CHSY1: variants seen among roughly 807,000 people sequenced by gnomAD.
The protein encoded by CHSY1 is N-acetylgalactosaminyl-proteoglycan 3-beta-glucuronosyltransferase 1.
A neutral mutation model predicts 59.8 loss-of-function variants in CHSY1; 13 were observed. The observed-to-expected ratio is 0.22, with a 90% CI of 0.14 to 0.35. CHSY1 has a LOEUF of 0.35. CHSY1 is among the 10% of genes least tolerant of loss of function. The pLI is 1.00. For missense variants in CHSY1, 947 were observed against 1,030.6 expected, an observed-to-expected ratio of 0.92 and a Z score of 1.11; for synonymous variants, 459 against 401.2, an observed-to-expected ratio of 1.14 and a Z score of -1.72.
chr15:101,178,903 G>A lies in CHSY1; in HGVS notation c.894C>T (p.His298=). The change falls in exon 3 of 3, where the codon CAC becomes CAT. Residue 298 remains histidine, a synonymous_variant. Transcript: ENST00000254190. ...YIRDLHNSKI[H]QAITLHPNKN... ...TGTTGGGGTGTAATGTGATAGCTTG[G>A]TGAATTTTACTGTTATGGAGATCTC... 1 of 1,614,084 alleles carries A rather than the reference G, an allele frequency of 6.2e-7. No homozygotes were observed. Among genetic ancestry groups the A allele is most frequent in the Non-Finnish European group, 8.5e-7 (1 of 1,179,966 alleles).
At chr15:101,247,734 G>A (rs1483242138) in intron 1 of CHSY1, among the ~76,000 whole-genome samples, 2 of 152,102 alleles carry the variant, frequency 1.3e-5, no homozygotes, top group Non-Finnish European at 2.9e-5. Context: ...AGCTGTCACT[G>A]CCCTGCTATA....
rs1175923161 is a variant in CHSY1, at chr15:101,177,238, G to A, written c.*150C>T. 4 of 686,110 alleles carry A rather than the reference G, an allele frequency of 5.8e-6. No individual in the cohort carries two copies. Among genetic ancestry groups the A allele is most frequent in the Non-Finnish European group, 9.5e-6 (4 of 421,988 alleles). 42.5% of individuals were successfully genotyped at this position (686,110 alleles called of 1,614,324 possible). ...AAAGGCAAACACTGATCACCTTCTT[G>A]TTCAGAAAGCTCAATCTTAAAGGAG... On this transcript the variant is annotated 3_prime_UTR_variant, in exon 3 of 3. Transcript: ENST00000254190.
chr15:101,177,214 A>G lies in CHSY1; in HGVS notation c.*174T>C, dbSNP rs2038202474. On this transcript the variant is annotated 3_prime_UTR_variant, in exon 3 of 3. Transcript: ENST00000254190. The stretch of plus-strand genomic sequence containing the variant: ...AATGTTCAGCAAGAAGATGTGTTCA[A>G]AGGCAAACACTGATCACCTTCTTGT... The G allele has an allele frequency of 3.3e-6, 2 of 601,768 alleles. No homozygotes were observed. Among genetic ancestry groups the G allele is most frequent in the Non-Finnish European group, 5.6e-6 (2 of 354,330 alleles). The allele number at this position is 601,768 out of a possible 1,614,324, so 37.3% of individuals were successfully genotyped here. A position where few individuals can be genotyped will look rare whatever the true frequency, so the allele number is the denominator to read the frequency against.
chr15:101,178,435 C>A lies in CHSY1; in HGVS notation c.1362G>T (p.Leu454=). The A allele has an allele frequency of 1.2e-6, 2 of 1,614,152 alleles. No homozygotes were observed. Among genetic ancestry groups the A allele is most frequent in the South Asian group, 2.2e-5 (2 of 91,080 alleles). ...TTTTCTTCCCTTTGTGCTTTTTGTA[C>A]AGAAGCAGCAGGTCCAGGATGTACT... is the stretch of plus-strand genomic sequence containing the variant. ...GAEYILDLLL[L]YKKHKGKKMT... is the part of the protein sequence containing the mutation. The change falls in exon 3 of 3, where the codon CTG becomes CTT. Residue 454 remains leucine (L), a synonymous_variant. Coordinates refer to ENST00000254190, the MANE Select transcript of CHSY1 (RefSeq NM_014918.5).
chr15:101,198,988 C>T (rs2038540311), intron 2 of CHSY1, among the ~76,000 whole-genome samples: 1 of 152,202 alleles, frequency 6.6e-6, no homozygotes, highest in Admixed American at 6.5e-5. Flanking sequence ...CAGGCACGTG[C>T]AGACTTCGCC....
chr15:101,236,531 CT>C (rs1442189143), intron 1 of CHSY1, among the ~76,000 whole-genome samples: 11 of 152,350 alleles, frequency 7.2e-5, no homozygotes, highest in African/African-American at 2.6e-4. Context: ...CATTAAACCT[CT>C]GTTTCTGGGC....
In CHSY1 at chr15:101,177,498, T is replaced by G; in HGVS notation, c.2299A>C (p.Lys767Gln). 1 of 1,613,446 alleles carries G rather than the reference T, an allele frequency of 6.2e-7. No individual in the cohort carries two copies. Among genetic ancestry groups the G allele is most frequent in the East Asian group, 2.2e-5 (1 of 44,860 alleles). The change falls in exon 3 of 3, where the codon AAA (lysine) becomes CAA (glutamine). Residue 767 changes from lysine to glutamine, a missense_variant. This residue lies in a region of CHSY1 where 602 missense variants were observed against 676.9 expected (regional missense o/e 0.89). Transcript: ENST00000254190. ...TGGGTGGACCCATAGGTCGATGCTT[T>G]GGACCCCAAGCACATTTTGTACTGT... The part of the protein sequence containing the change: ...PKQYKMCLGS[K>Q]ASTYGSTQQL...
intron 2 of CHSY1, among the ~76,000 whole-genome samples, chr15:101,211,030 G>A (rs1342980600): frequency 6.6e-6 from 1 of 152,168 alleles, no homozygotes; most frequent in Non-Finnish European, 1.5e-5. Context: ...AAGTTAAAAT[G>A]CAATAGGTTT....
At position 101,251,892 on chromosome 15, in the gene CHSY1, G is replaced by GCGC. The variant is rs980760946; in HGVS notation, c.-439_-437dup. The GCGC allele has an allele frequency of 1.1e-3, 166 of 147,948 alleles. No individual in the cohort carries two copies. The highest frequency in any genetic ancestry group is 3.9e-3 in the African/African-American group (159 of 40,278). The allele number at this position is 147,948 out of a possible 1,614,324, so 9.2% of individuals were successfully genotyped here. On this transcript the variant is annotated 5_prime_UTR_variant, in exon 1 of 3. Transcript: ENST00000254190. Reference sequence around the variant, plus strand: ...CCTGTCCCCGTCCTCTTCGTAGCCGGCGCCGCCGCCGCAGCTGCACATCCT... The same window carrying GCGC: ...CCTGTCCCCGTCCTCTTCGTAGCCGGCGCCGCCGCCGCCGCAGCTGCACATCCT...
intron 2 of CHSY1, among the ~76,000 whole-genome samples, chr15:101,182,693 T>C (rs2038296627): frequency 1.3e-5 from 2 of 151,686 alleles, no homozygotes; most frequent in South Asian, 4.2e-4. Context: ...ACCGGAAGAG[T>C]CTTTTGGATC....
chr15:101,198,022 A>T (rs758378306), intron 2 of CHSY1, among the ~76,000 whole-genome samples: 2 of 152,126 alleles, frequency 1.3e-5, no homozygotes, highest in East Asian at 3.9e-4. Flanking sequence ...CTCATCGCCA[A>T]TGTATCTGTC....
At chr15:101,182,685 C>CG (rs371638420) in intron 2 of CHSY1, among the ~76,000 whole-genome samples, 4 of 152,244 alleles carry the variant, frequency 2.6e-5, no homozygotes, top group African/African-American at 7.2e-5. Flanking sequence ...AGCAGGAAAC[C>CG]GGAAGAGTCT....
chr15:101,210,391 T>C (rs576761013), intron 2 of CHSY1, among the ~76,000 whole-genome samples: 2 of 152,296 alleles, frequency 1.3e-5, no homozygotes, highest in South Asian at 2.1e-4. Context: ...CTAATCCCCA[T>C]TTAAACAACG....
At chr15:101,193,947 G>C (rs966607288) in intron 2 of CHSY1, among the ~76,000 whole-genome samples, 1 of 152,214 alleles carries the variant, frequency 6.6e-6, no homozygotes, top group African/African-American at 2.4e-5. Flanking sequence ...AGCAAGGGTA[G>C]GGCCATCAGC....
chr15:101,178,399 A>T lies in CHSY1; in HGVS notation c.1398T>A (p.Pro466=), dbSNP rs1480870836. The change falls in exon 3 of 3, where the codon CCT becomes CCA. Residue 466 remains proline (P), a synonymous_variant. Transcript: ENST00000254190. ...GCTGTAAATACGCGTGCCTCCTCAC[A>T]GGGACCGTCATTTTCTTCCCTTTGT... ...KKHKGKKMTV[P]VRRHAYLQQT... 1 of 1,612,538 alleles carries T rather than the reference A, an allele frequency of 6.2e-7. No individual in the cohort carries two copies. The highest frequency in any genetic ancestry group is 1.1e-5 in the South Asian group (1 of 91,070).
chr15:101,194,017 T>C (rs1432191084), intron 2 of CHSY1, among the ~76,000 whole-genome samples: 1 of 152,268 alleles, frequency 6.6e-6, no homozygotes, highest in African/African-American at 2.4e-5. Context: ...GGCGGTCAGA[T>C]GCCCTGGCCT....
intron 1 of CHSY1, among the ~76,000 whole-genome samples, chr15:101,250,253 G>A (rs2039093257): frequency 6.6e-6 from 1 of 152,184 alleles, no homozygotes; most frequent in East Asian, 1.9e-4. Flanking sequence ...CATACAGTAA[G>A]TGTCTCTATA....
At chr15:101,221,663 C>T (rs886306193) in intron 2 of CHSY1, among the ~76,000 whole-genome samples, 2 of 151,942 alleles carry the variant, frequency 1.3e-5, no homozygotes, top group African/African-American at 2.4e-5. Flanking sequence ...TAAATGAAAC[C>T]GTACTCAACT....
chr15:101,237,209 GCAAGACTCCATC>G (rs968532412), intron 1 of CHSY1, among the ~76,000 whole-genome samples: 2 of 115,888 alleles, frequency 1.7e-5, no homozygotes, highest in African/African-American at 6.4e-5. Flanking sequence ...GGACAAAAGA[GCAAGACTCCATC>G]TAAAAAAAAA....
Sources: allele counts gnomAD v4.1 joint callset (sites outside exome capture counted in the v4.1 genomes callset), GRCh38; gene constraint gnomAD v4.1.1; regional missense constraint gnomAD v4.1.1; transcripts MANE v1.5; gene names NCBI Gene and HGNC (gene_info 2026-07-23, HGNC 2026-07-21).